Variants in TANC2 observed in about 807,000 individuals in gnomAD.
TANC2 encodes the protein protein TANC2.
TANC2 carries 26 observed loss-of-function variants against 210.5 expected under a neutral mutation model. The observed-to-expected ratio is 0.12, with a 90% CI of 0.09 to 0.17. TANC2 has a LOEUF of 0.17. TANC2 is among the 10% of genes least tolerant of loss of function. The pLI, the probability that TANC2 is intolerant of heterozygous loss-of-function variation, is 1.00. For synonymous variants in TANC2, 931 were observed against 967.1 expected (o/e 0.96, Z 0.69); for missense variants, 2,129 against 2,608.9 (o/e 0.82, Z 4.01).
intron 5 of TANC2, among the ~76,000 whole-genome samples, chr17:63,187,093 A>T (rs2041015123): frequency 6.6e-6 from 1 of 152,184 alleles, no homozygotes; most frequent in African/African-American, 2.4e-5. Context: ...AGGTCAAATA[A>T]TTGATATGAT....
intron 4 of TANC2, among the ~76,000 whole-genome samples, chr17:63,139,739 A>G (rs2039218472): frequency 2.0e-5 from 3 of 152,148 alleles, no homozygotes. Context: ...CTGTCTGTAC[A>G]AAACATTTTT....
chr17:63,082,966 A>G (rs1020614450), intron 3 of TANC2, among the ~76,000 whole-genome samples: 1 of 152,172 alleles, frequency 6.6e-6, no homozygotes, highest in Non-Finnish European at 1.5e-5. Flanking sequence ...TTGACACCAG[A>G]TATCTTTGTA....
At chr17:63,419,384 A>G (rs1224709747) in intron 27 of TANC2, among the ~76,000 whole-genome samples, 1 of 152,150 alleles carries the variant, frequency 6.6e-6, no homozygotes, top group Non-Finnish European at 1.5e-5. Context: ...CTTCATTTGT[A>G]AATTAGAGTC....
At chr17:63,219,725 G>A (rs1234364883) in intron 7 of TANC2, among the ~76,000 whole-genome samples, 1 of 151,840 alleles carries the variant, frequency 6.6e-6, no homozygotes, top group Non-Finnish European at 1.5e-5. Flanking sequence ...ATGGTTTTTA[G>A]TATAAATTAA....
At chr17:63,352,275 G>A (rs2046635415) in intron 13 of TANC2, among the ~76,000 whole-genome samples, 1 of 152,070 alleles carries the variant, frequency 6.6e-6, no homozygotes, top group African/African-American at 2.4e-5. Context: ...AAAATAGTCT[G>A]TACATTTAAG....
chr17:63,094,779 C>A (rs1347140812), intron 3 of TANC2, among the ~76,000 whole-genome samples: 4 of 152,192 alleles, frequency 2.6e-5, no homozygotes, highest in African/African-American at 9.6e-5. Context: ...ATTCTGACCT[C>A]AACTTCTGAA....
intron 3 of TANC2, among the ~76,000 whole-genome samples, chr17:63,087,874 A>C (rs1352127989): frequency 1.3e-5 from 2 of 152,208 alleles, no homozygotes; most frequent in Non-Finnish European, 2.9e-5. Context: ...ACTTTGGCAC[A>C]GCAGTTTACA....
chr17:63,334,735 G>A (rs995286496), intron 11 of TANC2, among the ~76,000 whole-genome samples: 1 of 152,204 alleles, frequency 6.6e-6, no homozygotes, highest in African/African-American at 2.4e-5. Flanking sequence ...CCTTAACAAA[G>A]TGATCAAGGG....
At chr17:63,318,212 G>T (rs1370821163) in intron 10 of TANC2, among the ~76,000 whole-genome samples, 2 of 151,772 alleles carry the variant, frequency 1.3e-5, no homozygotes, top group African/African-American at 4.8e-5. Flanking sequence ...ATTTACTTTG[G>T]TATCTATTTT....
Position 63,185,380 on chromosome 17 carries a change from A to G in TANC2, c.434-8611A>G, listed in dbSNP as rs1268008. Among the ~76,000 whole-genome samples the G allele has an allele frequency of 5.0e-3, 768 of 152,340 alleles. 44 individuals carry two copies. The East Asian group carries it at 0.13, about 25-fold the overall frequency. ...AGTGCTGGAATTACAGGCGTGAGCC[A>G]CTGCACTTGGCCTTGATGGACATTT... is the stretch of plus-strand genomic sequence containing the variant. On this transcript the variant is annotated intron_variant, in intron 5 of 27. Transcript: ENST00000689528.
At chr17:63,304,578 A>T (rs149176741) in intron 9 of TANC2, among the ~76,000 whole-genome samples, 11 of 152,194 alleles carry the variant, frequency 7.2e-5, no homozygotes, top group Admixed American at 2.6e-4. Context: ...GGGGAGCAGG[A>T]CCTGTTTATT....
At chr17:63,072,396 G>T (rs1457289758) in intron 2 of TANC2, among the ~76,000 whole-genome samples, 1 of 152,006 alleles carries the variant, frequency 6.6e-6, no homozygotes, top group Admixed American at 6.6e-5. Flanking sequence ...GATAATCCAT[G>T]AGTAGATTTT....
At chr17:63,334,401 A>G (rs554566690) in intron 11 of TANC2, among the ~76,000 whole-genome samples, 1 of 152,198 alleles carries the variant, frequency 6.6e-6, no homozygotes, top group South Asian at 2.1e-4. Flanking sequence ...AACAAAATTA[A>G]TATAGTATTG....
At chr17:63,183,954 C>T (rs569143278) in intron 5 of TANC2, among the ~76,000 whole-genome samples, 1 of 151,216 alleles carries the variant, frequency 6.6e-6, no homozygotes, top group African/African-American at 2.4e-5. Context: ...GAGGCGGAGC[C>T]TGCAGTGAGC....
intron 17 of TANC2, among the ~76,000 whole-genome samples, chr17:63,392,626 T>G (rs1206691844): frequency 2.0e-5 from 3 of 152,196 alleles, no homozygotes; most frequent in Non-Finnish European, 4.4e-5. Flanking sequence ...TCCCCTTAGC[T>G]TTTGTAGAGC....
intron 2 of TANC2, among the ~76,000 whole-genome samples, chr17:63,070,499 T>C (rs1045828668): frequency 6.6e-6 from 1 of 152,172 alleles, no homozygotes; most frequent in Non-Finnish European, 1.5e-5. Flanking sequence ...TTACTGGCCT[T>C]ACTCTCAAGT....
intron 7 of TANC2, among the ~76,000 whole-genome samples, chr17:63,229,951 G>C (rs2145994266): frequency 6.6e-6 from 1 of 151,916 alleles, no homozygotes; most frequent in African/African-American, 2.4e-5. Context: ...GTCCCACCAT[G>C]CCCAGCTAAT....
In TANC2 at chr17:63,084,490, A is replaced by G. The variant is rs187338799; in HGVS notation, c.139+10476A>G. On this transcript the variant is annotated intron_variant, in intron 3 of 27. Transcript: ENST00000689528. Reference sequence around the variant, plus strand: ...TTTTCTCTATTGATTCCCATTTCCAATTTCATTGATTTCTGCTCTAGTTTT... The same window carrying G: ...TTTTCTCTATTGATTCCCATTTCCAGTTTCATTGATTTCTGCTCTAGTTTT... Among the ~76,000 whole-genome samples, 3 of 151,434 alleles carry G rather than the reference A, an allele frequency of 2.0e-5. No homozygotes were observed. In the East Asian group the frequency reaches 5.8e-4, roughly 29 times the overall value.
intron 17 of TANC2, chr17:63,390,472 T>C (rs982134257): frequency 5.9e-5 from 9 of 152,194 alleles, no homozygotes; most frequent in Admixed American, 5.2e-4. Context: ...CTAGGAACAA[T>C]GATAACTGGG....
Sources: gnomAD v4.1 joint callset for allele counts (sites outside exome capture counted in the v4.1 genomes callset) on GRCh38, gnomAD v4.1.1 for gene constraint, MANE v1.5 for transcripts, NCBI Gene and HGNC (gene_info 2026-07-23, HGNC 2026-07-21) for gene names.